Variants in TMEM67 observed in about 807,000 individuals in gnomAD.
The protein encoded by TMEM67 is meckelin.
In TMEM67, 124 loss-of-function variants were observed where a neutral mutation model predicts 136.6. That is an observed-to-expected ratio of 0.91 (90% confidence interval 0.78 to 1.05). TMEM67 has a LOEUF of 1.05. TMEM67 is among the 50% of genes least tolerant of loss of function. The pLI, the probability that TMEM67 is intolerant of heterozygous loss-of-function variation, is 0.00. For missense variants in TMEM67, 1,107 were observed against 1,178.4 expected (o/e 0.94, Z 0.89); for synonymous variants, 364 against 390.5 (o/e 0.93, Z 0.80).
intron 20 of TMEM67, among the ~76,000 whole-genome samples, chr8:93,798,942 A>AGT (rs35511670): frequency 0.31 from 44,127 of 143,156 alleles, 6,776 homozygotes; most frequent in East Asian, 0.5. Context: ...GTACTAAAGT[A>AGT]GTGTGTGTGT....
At chr8:93,810,113 C>T (rs1460131038) in intron 26 of TMEM67, 12 of 363,662 alleles carry the variant, frequency 3.3e-5, no homozygotes, top group East Asian at 5.6e-5. Flanking sequence ...GGACTACAGG[C>T]GCCCGCCATC....
At chr8:93,781,819 A>G (rs926998782) in intron 10 of TMEM67, 75 bp downstream of exon 10, 1 of 814,940 alleles carries the variant, frequency 1.2e-6, no homozygotes, top group Non-Finnish European at 2.0e-6. Context: ...GGAAAAGATT[A>G]TTGTATGAAT....
At chr8:93,823,151 C>T (rs1035031093), downstream of TMEM67, among the ~76,000 whole-genome samples, 1 of 152,190 alleles carries the variant, frequency 6.6e-6, no homozygotes, top group South Asian at 2.1e-4. Context: ...TATCATCTTA[C>T]AATTCTGGGT....
At chr8:93,800,200 C>T (rs534219745) in intron 21 of TMEM67, among the ~76,000 whole-genome samples, 8 of 152,102 alleles carry the variant, frequency 5.3e-5, no homozygotes, top group East Asian at 1.9e-4. Context: ...CATGAGCCAT[C>T]GCACCCAGCC....
chr8:93,814,653 T>TTC (rs1285530717), intron 26 of TMEM67, among the ~76,000 whole-genome samples: 5 of 130,662 alleles, frequency 3.8e-5, no homozygotes, highest in African/African-American at 1.7e-4. Flanking sequence ...TCTTTCTTTC[T>TTC]TTTTTTTTTT....
the TMEM67 span, among the ~76,000 whole-genome samples, chr8:93,830,076 C>T: frequency 4.6e-5 from 7 of 152,216 alleles, no homozygotes; most frequent in Non-Finnish European, 1.0e-4. Flanking sequence ...ACAGACAAGC[C>T]TTGCTGGGTC....
chr8:93,770,455 C>A (rs926400489), intron 6 of TMEM67, among the ~76,000 whole-genome samples: 1 of 152,002 alleles, frequency 6.6e-6, no homozygotes, highest in African/African-American at 2.4e-5. Flanking sequence ...TTCTCCCTTC[C>A]TTTTTTGGGG....
downstream of TMEM67, chr8:93,819,233 A>G (rs1048975362): frequency 2.3e-6 from 1 of 433,110 alleles, no homozygotes; most frequent in Non-Finnish European, 4.5e-6. Flanking sequence ...ATGATATTAA[A>G]ACTCAGATTA....
rs755419206 is a variant in TMEM67, at chr8:93,780,936, G to A, written c.932G>A (p.Ser311Asn). The A allele has an allele frequency of 8.7e-6, 14 of 1,612,032 alleles. No individual in the cohort carries two copies. The highest frequency in any genetic ancestry group is 1.1e-5 in the Non-Finnish European group (13 of 1,179,674). Residue 311 changes from serine (S) to asparagine (N), a missense_variant, in exon 9 of 28, where the codon AGT becomes AAT. Around this residue, in one of 3 missense-constraint regions of TMEM67, gnomAD observed 925 missense variants for 1,002.4 expected, o/e 0.92. Coordinates refer to ENST00000453321, the MANE Select transcript of TMEM67 (RefSeq NM_153704.6). ...DQLGLAPQVL[S>N]STSLPTNFSF... ...TTAGGATTAGCACCTCAAGTGCTCAGTTCTACCTCTCTTCCTACAAATTTC... is the reference window on the plus strand; with the variant it reads ...TTAGGATTAGCACCTCAAGTGCTCAATTCTACCTCTCTTCCTACAAATTTC...
chr8:93,787,069 T>TA (rs1760533747), intron 13 of TMEM67, among the ~76,000 whole-genome samples: 1 of 152,210 alleles, frequency 6.6e-6, no homozygotes, highest in Non-Finnish European at 1.5e-5. Flanking sequence ...AGTCTGCTAA[T>TA]ATGGTGTTCC....
Position 93,808,883 on chromosome 8 carries a change from G to T in TMEM67, c.2483G>T (p.Gly828Val). ...SQRGLVPNTDGQTFEIAISNQ... is the reference protein window; with the variant it reads ...SQRGLVPNTDVQTFEIAISNQ... The stretch of plus-strand genomic sequence containing the variant: ...AGAGGTTTGGTACCCAACACAGATG[G>T]TCAGACTTTTGAGATTGCAATTTCT... Residue 828 changes from glycine (G) to valine (V), a missense_variant, in exon 24 of 28, where the codon GGT becomes GTT. Coordinates refer to ENST00000453321, the MANE Select transcript of TMEM67 (RefSeq NM_153704.6). 6.2e-7 allele frequency: 1 copy of T among 1,613,068 alleles called. No homozygotes were observed. Among genetic ancestry groups the T allele is most frequent in the Non-Finnish European group, 8.5e-7 (1 of 1,179,352 alleles).
Position 93,785,334 on chromosome 8 carries a change from T to G in TMEM67, c.1244T>G (p.Val415Gly), listed in dbSNP as rs775026444. The change falls in exon 12 of 28, where the codon GTG (valine) becomes GGG (glycine). Residue 415 changes from valine (V) to glycine (G), a missense_variant. By Grantham distance (109) the Val-to-Gly change is moderately radical (BLOSUM62 -3). Coordinates refer to ENST00000453321, the MANE Select transcript of TMEM67 (RefSeq NM_153704.6). ...CATCAATATATTTTGGCTGTGCCTG[T>G]GTTAAACCTAAATCTTCAACATAAT... ...NQHQYILAVP[V>G]LNLNLQHNKI... The G allele has an allele frequency of 6.2e-7, 1 of 1,612,072 alleles. No individual in the cohort carries two copies.
intron 3 of TMEM67, chr8:93,759,991 T>C: frequency 6.6e-7 from 1 of 1,520,310 alleles, no homozygotes; most frequent in Non-Finnish European, 8.9e-7. Context: ...ATTGAAGAAA[T>C]TTGTGAGTAT....
At position 93,809,098 on chromosome 8, in the gene TMEM67, T is replaced by G. The variant is rs776258357; in HGVS notation, c.2598T>G (p.Thr866=). The change falls in exon 25 of 28, where the codon ACT becomes ACG. Residue 866 remains threonine (T), a synonymous_variant. Transcript: ENST00000453321. ...PARLLSSSAS[T]FEQSIKAYHM... ...GACTACTGAGTTCATCAGCAAGTAC[T>G]TTTGAGCAGAGTATAAAAGCATATC... is the stretch of plus-strand genomic sequence containing the variant. 5.6e-6 allele frequency: 9 copies of G among 1,611,980 alleles called. No individual in the cohort carries two copies. In the African/African-American group the frequency reaches 1.2e-4, roughly 22 times the overall value.
At position 93,795,988 on chromosome 8, in the gene TMEM67, G is replaced by A. The variant is rs757862358; in HGVS notation, c.1860+1G>A. 6.2e-7 allele frequency: 1 copy of A among 1,610,108 alleles called. No individual in the cohort carries two copies. The highest frequency in any genetic ancestry group is 8.5e-7 in the Non-Finnish European group (1 of 1,176,472). ...TGTTGGATGTGCCTTTGCTCTGAAG[G>A]TAAGTTTTAAAGGACAGGTTACCAA... On this transcript the variant is annotated splice_donor_variant, in intron 18 of 27. Transcript: ENST00000453321. LOFTEE classifies it high-confidence loss of function.
At position 93,797,210 on chromosome 8, in the gene TMEM67, GAAAGGTTCTT is replaced by G. The variant is rs1425829432; in HGVS notation, c.1942_1951del (p.Val648LeufsTer15). 6.2e-7 allele frequency: 1 copy of G among 1,613,172 alleles called. No homozygotes were observed. The highest frequency in any genetic ancestry group is 8.5e-7 in the Non-Finnish European group (1 of 1,179,298). On this transcript the variant is annotated frameshift_variant, in exon 19 of 28. Coordinates refer to ENST00000453321, the MANE Select transcript of TMEM67 (RefSeq NM_153704.6). LOFTEE classifies it high-confidence loss of function. ...TTTATTGATTGGGAGCGACCTAAAG[GAAAGGTTCTT>G]AAAGCTGTTGAAGGTAACTGAAATA... is the stretch of plus-strand genomic sequence containing the variant.
In TMEM67 at chr8:93,807,409, G is replaced by A. The variant is rs187106377; in HGVS notation, c.2440-1431G>A. Among the ~76,000 whole-genome samples the A allele has an allele frequency of 2.8e-3, 423 of 152,106 alleles. 1 individual carries two copies. Among genetic ancestry groups the A allele is most frequent in the Non-Finnish European group, 2.7e-3 (180 of 67,920 alleles). The stretch of plus-strand genomic sequence containing the variant: ...ATTAAATAAATTGGTTTACCTTTGC[G>A]GTGAAATCTTAAGCAGATGGTAAAA... On this transcript the variant is annotated intron_variant, in intron 23 of 27. Coordinates refer to ENST00000453321, the MANE Select transcript of TMEM67 (RefSeq NM_153704.6).
At position 93,797,208 on chromosome 8, in the gene TMEM67, A is replaced by G. The variant is rs1192899802; in HGVS notation, c.1935A>G (p.Lys645=). The G allele has an allele frequency of 5.0e-6, 8 of 1,613,414 alleles. No homozygotes were observed. In the East Asian group the frequency reaches 1.8e-4, roughly 36 times the overall value. The part of the protein sequence containing the change: ...DVFFIDWERP[K]GKVLKAVEGE... ...TCTTTATTGATTGGGAGCGACCTAA[A>G]GGAAAGGTTCTTAAAGCTGTTGAAG... Residue 645 remains lysine, a synonymous_variant, in exon 19 of 28, where the codon AAA becomes AAG. Transcript: ENST00000453321.
In TMEM67 at chr8:93,785,223, G is replaced by A. The variant is rs1418271199; in HGVS notation, c.1133G>A (p.Cys378Tyr). ...TTTATTTTTAATTTTACTTTTCAGT[G>A]TGAGATTCCTATCTCTAAGATCTTA... ...YSFGTTYQQNCEIPISKILID... is the reference protein window; with the variant it reads ...YSFGTTYQQNYEIPISKILID... The change falls in exon 12 of 28, where the codon TGT (cysteine) becomes TAT (tyrosine). Residue 378 changes from cysteine (C) to tyrosine (Y), a missense_variant and splice_region_variant. Cys to Tyr is a radical substitution (Grantham distance 194). Transcript: ENST00000453321. 1.9e-6 allele frequency: 3 copies of A among 1,563,730 alleles called. No homozygotes were observed. Among genetic ancestry groups the A allele is most frequent in the East Asian group, 2.2e-5 (1 of 44,480 alleles).
Sources: gnomAD v4.1 joint callset for allele counts (sites outside exome capture counted in the v4.1 genomes callset) on GRCh38, gnomAD v4.1.1 for gene constraint, gnomAD v4.1.1 regional missense constraint, MANE v1.5 for transcripts, NCBI Gene and HGNC (gene_info 2026-07-23, HGNC 2026-07-21) for gene names.